The following KCNK2 variants were observed in gnomAD, a reference collection of about 807,000 sequenced individuals.
KCNK2 encodes the protein potassium two pore domain channel subfamily K member 2, also known as potassium channel subfamily K member 2.
KCNK2 carries 21 observed loss-of-function variants against 40.5 expected under a neutral mutation model. The ratio of observed to expected loss-of-function variants is 0.52; its 90% CI spans 0.37 to 0.75. The LOEUF (loss-of-function observed/expected upper bound fraction) is 0.75. KCNK2 is among the 30% of genes least tolerant of loss of function. The pLI is 0.00. For synonymous variants in KCNK2, 191 were observed against 202.2 expected (o/e 0.94, Z 0.47); for missense variants, 399 against 531.6 (o/e 0.75, Z 2.45).
At chr1:215,177,411 A>G (rs558210488) in intron 5 of KCNK2, among the ~76,000 whole-genome samples, 2 of 152,078 alleles carry the variant, frequency 1.3e-5, no homozygotes, top group Non-Finnish European at 2.9e-5. Context: ...TTGAGGACAT[A>G]GTCACAAATT....
At chr1:215,010,070 C>G (rs1422137077) in intron 1 of KCNK2, among the ~76,000 whole-genome samples, 1 of 152,088 alleles carries the variant, frequency 6.6e-6, no homozygotes, top group Non-Finnish European at 1.5e-5. Flanking sequence ...TAAACTACCT[C>G]TTAATAGGAA....
intron 6 of KCNK2, among the ~76,000 whole-genome samples, chr1:215,209,430 T>A (rs1188395231): frequency 1.0e-4 from 4 of 39,820 alleles, no homozygotes; most frequent in Admixed American, 5.2e-4. Context: ...ATAATATATA[T>A]AATATAAAAT....
intron 1 of KCNK2, among the ~76,000 whole-genome samples, chr1:215,065,133 T>C (rs1658492071): frequency 6.6e-6 from 1 of 152,220 alleles, no homozygotes; most frequent in Non-Finnish European, 1.5e-5. Flanking sequence ...TCTATCTAAA[T>C]ACTTTCAGAA....
At chr1:215,102,384 A>G (rs536579782) in intron 2 of KCNK2, among the ~76,000 whole-genome samples, 107 of 152,158 alleles carry the variant, frequency 7.0e-4, no homozygotes, top group Non-Finnish European at 1.1e-3. Flanking sequence ...TAGAATAAGG[A>G]TATAAGGAAA....
chr1:215,138,105 G>A (rs1443641966), intron 3 of KCNK2, among the ~76,000 whole-genome samples: 1 of 152,146 alleles, frequency 6.6e-6, no homozygotes, highest in African/African-American at 2.4e-5. Context: ...GTAGTAACAT[G>A]TTCCAATGTA....
chr1:215,083,198 C>CCCCCCCCCCCT lies in KCNK2; in HGVS notation c.-183_-182insCCCCCTCCCCC. ...CGATTTCGTTTCTTCTCACGCTCCC[C>CCCCCCCCCCCT]CCCCCGCCCCCTCCCGCGTCCAGCC... On this transcript the variant is annotated 5_prime_UTR_variant, in exon 1 of 7. Transcript: ENST00000444842. The CCCCCCCCCCCT allele has an allele frequency of 1.2e-5, 7 of 603,076 alleles. No homozygotes were observed. The highest frequency in any genetic ancestry group is 8.1e-5 in the South Asian group (5 of 61,962). 37.4% of individuals were successfully genotyped at this position (603,076 alleles called of 1,614,324 possible).
Position 215,236,364 on chromosome 1 carries a change from A to AT in KCNK2, c.*1220dup, listed in dbSNP as rs1408061644. On this transcript the variant is annotated 3_prime_UTR_variant, in exon 7 of 7. Coordinates refer to ENST00000444842, the MANE Select transcript of KCNK2 (RefSeq NM_001017425.3). ...GGCACAGTCCTAGCCTTCTGTGGGT[A>AT]TACTTTTGGAGTTGTGACTTGGCTG... 6.6e-6 allele frequency: 1 copy of AT among 152,594 alleles called. No homozygotes were observed. The highest frequency in any genetic ancestry group is 1.9e-4 in the East Asian group (1 of 5,180). 9.5% of individuals were successfully genotyped at this position (152,594 alleles called of 1,614,324 possible).
At chr1:215,207,897 A>C (rs1377919280) in intron 6 of KCNK2, among the ~76,000 whole-genome samples, 2 of 152,228 alleles carry the variant, frequency 1.3e-5, no homozygotes, top group African/African-American at 2.4e-5. Flanking sequence ...ATGGAGAAAA[A>C]GGAACACTTA....
chr1:215,137,744 A>G (rs1340422394), intron 3 of KCNK2, among the ~76,000 whole-genome samples: 1 of 152,214 alleles, frequency 6.6e-6, no homozygotes, highest in Non-Finnish European at 1.5e-5. Context: ...GTGAAAACTC[A>G]AAAGGATAAT....
intron 6 of KCNK2, among the ~76,000 whole-genome samples, chr1:215,207,124 G>C (rs1665346529): frequency 6.6e-6 from 1 of 152,194 alleles, no homozygotes; most frequent in African/African-American, 2.4e-5. Context: ...CCCAAATGGA[G>C]ATAGCTTTTT....
At position 215,203,663 on chromosome 1, in the gene KCNK2, A is replaced by C. The variant is rs1261134893; in HGVS notation, c.963+8571A>C. 2.0e-5 allele frequency among the ~76,000 whole-genome samples: 3 copies of C among 152,138 alleles called. No homozygotes were observed. The East Asian group carries it at 5.8e-4, about 29-fold the overall frequency. On this transcript the variant is annotated intron_variant, in intron 6 of 6. Transcript: ENST00000444842. ...AGAAAAGATAAACAAACAAACAAAA[A>C]CTATTGAGGGTGTGTATATGGCTAG...
intron 2 of KCNK2, among the ~76,000 whole-genome samples, chr1:215,121,678 G>A (rs1367328076): frequency 1.3e-5 from 2 of 152,188 alleles, no homozygotes; most frequent in Admixed American, 1.3e-4. Flanking sequence ...TCTGCCAGCA[G>A]CTATGTGATG....
At chr1:215,113,805 A>G (rs981747800) in intron 2 of KCNK2, among the ~76,000 whole-genome samples, 1 of 152,172 alleles carries the variant, frequency 6.6e-6, no homozygotes, top group African/African-American at 2.4e-5. Flanking sequence ...CATGTTGACC[A>G]TGCTGGTCTT....
At chr1:215,095,561 G>T (rs558869666) in intron 2 of KCNK2, among the ~76,000 whole-genome samples, 1 of 152,168 alleles carries the variant, frequency 6.6e-6, no homozygotes, top group African/African-American at 2.4e-5. Context: ...CACAGCAAAC[G>T]TTAAAATTGC....
chr1:215,210,426 A>C (rs1029428855), intron 6 of KCNK2, among the ~76,000 whole-genome samples: 1 of 152,062 alleles, frequency 6.6e-6, no homozygotes, highest in African/African-American at 2.4e-5. Context: ...TGCAAACTAC[A>C]CAAGTTCAAC....
intron 6 of KCNK2, among the ~76,000 whole-genome samples, chr1:215,213,785 C>T (rs1234941639): frequency 6.6e-6 from 1 of 151,982 alleles, no homozygotes; most frequent in Non-Finnish European, 1.5e-5. Context: ...TGTGGATCGC[C>T]CCACCTTGCC....
intron 6 of KCNK2, among the ~76,000 whole-genome samples, chr1:215,205,024 G>A (rs370205541): frequency 4.6e-5 from 7 of 152,240 alleles, no homozygotes; most frequent in African/African-American, 1.4e-4. Context: ...ATGTGTGCAT[G>A]TGCACACATA....
chr1:215,199,042 C>T (rs527580040), intron 6 of KCNK2, among the ~76,000 whole-genome samples: 1 of 152,172 alleles, frequency 6.6e-6, no homozygotes, highest in African/African-American at 2.4e-5. Flanking sequence ...TCCAGCCAGG[C>T]GCTGTGGCTC....
intron 2 of KCNK2, among the ~76,000 whole-genome samples, chr1:215,120,410 T>A (rs1054765948): frequency 6.6e-6 from 1 of 152,196 alleles, no homozygotes; most frequent in African/African-American, 2.4e-5. Context: ...CATCACCTAG[T>A]ACCATATACA....
Sources: gnomAD v4.1 joint callset for allele counts (sites outside exome capture counted in the v4.1 genomes callset) on GRCh38, gnomAD v4.1.1 for gene constraint, MANE v1.5 for transcripts, NCBI Gene and HGNC (gene_info 2026-07-23, HGNC 2026-07-21) for gene names.